Variants in SMARCA4 observed in about 807,000 individuals in gnomAD.
SMARCA4 encodes SWI/SNF-related matrix-associated actin-dependent regulator of chromatin subfamily A member 4.
SMARCA4 carries 31 observed loss-of-function variants against 193.9 expected under a neutral mutation model. The ratio of observed to expected loss-of-function variants is 0.16; its 90% CI spans 0.12 to 0.22. SMARCA4 has a LOEUF of 0.22. Ranked by LOEUF, SMARCA4 falls within the 10% of genes least tolerant of loss-of-function variation. SMARCA4 has a pLI of 1.00. For missense variants in SMARCA4, 1,148 were observed against 2,296.0 expected, an observed-to-expected ratio of 0.50 and a Z score of 10.22; for synonymous variants, 942 against 933.1, an observed-to-expected ratio of 1.01 and a Z score of -0.17.
At chr19:11,046,921 A>G (rs1365510861) in intron 30 of SMARCA4, among the ~76,000 whole-genome samples, 1 of 140,986 alleles carries the variant, frequency 7.1e-6, no homozygotes, top group Non-Finnish European at 1.5e-5. Flanking sequence ...GCACTCCACC[A>G]TGGGTGACAG....
intron 1 of SMARCA4, chr19:10,961,701 A>C (rs2083821260): frequency 6.6e-6 from 1 of 152,136 alleles, no homozygotes. Context: ...TTGTCTTAAA[A>C]ACGTGTCATT....
rs1060502100 is a variant in SMARCA4, at chr19:11,039,540, C to T, written c.4171-1767C>T. ...TTCCAGCGTGGCCTTCAGTTCTGCACACGTGCGTCAAAGGTGGGGAGAGTT... is the reference window on the plus strand; with the variant it reads ...TTCCAGCGTGGCCTTCAGTTCTGCATACGTGCGTCAAAGGTGGGGAGAGTT... On this transcript the variant is annotated intron_variant, in intron 29 of 34. Transcript: ENST00000344626. The T allele has an allele frequency of 6.3e-7, 1 of 1,598,436 alleles. No homozygotes were observed. The highest frequency in any genetic ancestry group is 1.3e-5 in the African/African-American group (1 of 74,122).
At chr19:10,993,506 A>G (rs1049682616) in intron 8 of SMARCA4, among the ~76,000 whole-genome samples, 36 of 152,318 alleles carry the variant, frequency 2.4e-4, no homozygotes, top group African/African-American at 8.4e-4. Context: ...ATAAATTTGT[A>G]GTAATGGAAT....
At chr19:11,056,719 C>T (rs1362042977) in intron 30 of SMARCA4, among the ~76,000 whole-genome samples, 1 of 152,146 alleles carries the variant, frequency 6.6e-6, no homozygotes, top group Non-Finnish European at 1.5e-5. Context: ...TCAGGAGGCT[C>T]TCATGTTAGA....
Position 11,036,653 on chromosome 19 carries a change from C to T in SMARCA4, c.4170+1521C>T, listed in dbSNP as rs933075555. Among the ~76,000 whole-genome samples, 7 of 152,280 alleles carry T rather than the reference C, an allele frequency of 4.6e-5. No individual in the cohort carries two copies. In the East Asian group the frequency reaches 1.3e-3, roughly 29 times the overall value. On this transcript the variant is annotated intron_variant, in intron 29 of 34. Transcript: ENST00000344626. ...TACATTTTTTTCTAGGTGTAATTTA[C>T]ATACCATACAGTTCACCCTTTTGGG...
At chr19:10,982,309 A>C (rs2085615898) in intron 1 of SMARCA4, among the ~76,000 whole-genome samples, 2 of 151,996 alleles carry the variant, frequency 1.3e-5, no homozygotes, top group Non-Finnish European at 2.9e-5. Flanking sequence ...GCCTGTCTCT[A>C]TTAAAAATAC....
At chr19:10,980,559 C>T (rs549814892) in intron 1 of SMARCA4, among the ~76,000 whole-genome samples, 2 of 151,852 alleles carry the variant, frequency 1.3e-5, no homozygotes, top group South Asian at 2.1e-4. Context: ...GCTTGAACCC[C>T]GGGGACGGAG....
At chr19:10,973,513 GC>G (rs2084848414) in intron 1 of SMARCA4, among the ~76,000 whole-genome samples, 1 of 150,754 alleles carries the variant, frequency 6.6e-6, no homozygotes, top group African/African-American at 2.4e-5. Context: ...CCATTCTCCT[GC>G]CTTAGCCTCC....
chr19:11,059,109 T>TAAA (rs764123776), intron 32 of SMARCA4: 8 of 388,612 alleles, frequency 2.1e-5, no homozygotes, highest in African/African-American at 8.6e-5. Context: ...ACCCTGTCTT[T>TAAA]AAAAAAAAAA....
chr19:11,047,416 T>G (rs1027869903), intron 30 of SMARCA4, among the ~76,000 whole-genome samples: 4 of 151,676 alleles, frequency 2.6e-5, no homozygotes. Context: ...AGAGGTTTTT[T>G]TTTTTTTTTG....
intron 12 of SMARCA4, 34 bp from the exon 13 acceptor site, chr19:11,003,306 C>T (rs776414764): frequency 6.2e-7 from 1 of 1,608,600 alleles, no homozygotes. Context: ...TGGCTCTGAG[C>T]AGATTTGTAT....
intron 1 of SMARCA4, among the ~76,000 whole-genome samples, chr19:10,963,663 A>G (rs1345543773): frequency 2.0e-5 from 3 of 152,166 alleles, no homozygotes; most frequent in African/African-American, 7.2e-5. Flanking sequence ...TGAAACAGGT[A>G]GGACGAGGAT....
At position 10,987,815 on chromosome 19, in the gene SMARCA4, G is replaced by A. The variant is rs1316225024; in HGVS notation, c.1009G>A (p.Ala337Thr). 1 of 1,605,462 alleles carries A rather than the reference G, an allele frequency of 6.2e-7. No homozygotes were observed. ...PPQTQSPGQP[A>T]QPAPMVPLHQ... ...GCAGACCCAGTCCCCCGGGCAGCCG[G>A]CCCAGCCCGCGCCCATGGTGCCACT... The change falls in exon 6 of 35, where the codon GCC becomes ACC. Residue 337 changes from alanine to threonine, a missense_variant. By Grantham distance (58) the Ala-to-Thr change is moderately conservative (BLOSUM62 0). Around this residue, in one of 17 missense-constraint regions of SMARCA4, gnomAD observed 257 missense variants for 276.5 expected, o/e 0.93. Transcript: ENST00000344626. The surrounding 1 kb of genome is among the most constrained non-coding windows in gnomAD (Gnocchi z 5.3).
chr19:11,061,695 G>A (rs992822689), intron 34 of SMARCA4, 89 bp from the exon 35 acceptor site: 2 of 1,296,872 alleles, frequency 1.5e-6, no homozygotes, highest in Non-Finnish European at 2.2e-6. Flanking sequence ...GTTTTCTTGA[G>A]CAAGTTTATT....
intron 22 of SMARCA4, chr19:11,025,743 G>GC (rs2090207140): frequency 1.9e-6 from 1 of 520,358 alleles, no homozygotes; most frequent in Non-Finnish European, 3.6e-6. Flanking sequence ...CCCTCAGAGA[G>GC]CAGGAGCGTT....
chr19:11,053,868 A>G (rs897461828), intron 30 of SMARCA4, among the ~76,000 whole-genome samples: 4 of 152,170 alleles, frequency 2.6e-5, no homozygotes, highest in African/African-American at 9.7e-5. Context: ...CTAGGATGGC[A>G]CCACTGCACT....
At chr19:10,990,134 C>T (rs1482007765) in intron 7 of SMARCA4, among the ~76,000 whole-genome samples, 1 of 151,988 alleles carries the variant, frequency 6.6e-6, no homozygotes, top group Non-Finnish European at 1.5e-5. Context: ...GGACTATAGG[C>T]GTGCACCATT....
chr19:10,988,823 T>C (rs778076030), intron 6 of SMARCA4, among the ~76,000 whole-genome samples: 1 of 152,212 alleles, frequency 6.6e-6, no homozygotes, highest in Non-Finnish European at 1.5e-5. Context: ...GTCCCTGGCA[T>C]ACAGTTGGTG....
intron 15 of SMARCA4, chr19:11,011,010 C>T (rs2088784095): frequency 8.2e-6 from 2 of 243,338 alleles, no homozygotes; most frequent in Admixed American, 4.9e-5. Flanking sequence ...TCCGCTCTTT[C>T]TTCTGGGGAT....
Sources: gnomAD v4.1 joint callset for allele counts (sites outside exome capture counted in the v4.1 genomes callset) on GRCh38, gnomAD v4.1.1 for gene constraint, gnomAD v4.1.1 regional missense constraint, Gnocchi (gnomAD v3.1) non-coding constraint, MANE v1.5 for transcripts, NCBI Gene and HGNC (gene_info 2026-07-23, HGNC 2026-07-21) for gene names.